Variants in SPOCK1 observed in about 807,000 individuals in gnomAD.
The protein encoded by SPOCK1 is SPARC (osteonectin), cwcv and kazal like domains proteoglycan 1.
SPOCK1 carries 23 observed loss-of-function variants against 55.3 expected under a neutral mutation model. The observed-to-expected ratio is 0.42, with a 90% CI of 0.30 to 0.59. The LOEUF is 0.59. Among genes scored for constraint, SPOCK1 ranks in the 20% least tolerant of loss-of-function variants. The pLI, the probability that SPOCK1 is intolerant of heterozygous loss-of-function variation, is 0.22. For synonymous variants in SPOCK1, 226 were observed against 221.0 expected (o/e 1.02, Z -0.20); for missense variants, 499 against 552.5 (o/e 0.90, Z 0.97).
At chr5:137,493,064 T>C (rs1272002652) in intron 2 of SPOCK1, among the ~76,000 whole-genome samples, 1 of 152,220 alleles carries the variant, frequency 6.6e-6, no homozygotes, top group Non-Finnish European at 1.5e-5. Context: ...ACAGGAAATT[T>C]ATTTTGTTTG....
intron 2 of SPOCK1, among the ~76,000 whole-genome samples, chr5:137,486,824 C>T (rs139145862): frequency 3.9e-5 from 6 of 152,182 alleles, no homozygotes; most frequent in African/African-American, 1.4e-4. Context: ...AGAATTTGAC[C>T]GTCTTAGTCA....
intron 4 of SPOCK1, among the ~76,000 whole-genome samples, chr5:137,119,059 T>C (rs1331674618): frequency 6.6e-6 from 1 of 152,192 alleles, no homozygotes; most frequent in African/African-American, 2.4e-5. Context: ...TAACCAGTCC[T>C]AGTAACTGGA....
At chr5:137,066,013 C>T (rs1752500194) in intron 6 of SPOCK1, among the ~76,000 whole-genome samples, 1 of 152,192 alleles carries the variant, frequency 6.6e-6, no homozygotes, top group Non-Finnish European at 1.5e-5. Context: ...TTTGCAAAAT[C>T]ATGAGGCCCT....
At chr5:137,163,182 C>A (rs1014402853) in intron 3 of SPOCK1, among the ~76,000 whole-genome samples, 1 of 152,154 alleles carries the variant, frequency 6.6e-6, no homozygotes, top group Non-Finnish European at 1.5e-5. Flanking sequence ...ATTTATTCAA[C>A]AACAAATATG....
chr5:137,384,605 G>A (rs1435256583), intron 2 of SPOCK1, among the ~76,000 whole-genome samples: 1 of 138,744 alleles, frequency 7.2e-6, no homozygotes, highest in African/African-American at 3.4e-5. Context: ...TCCCCCTGGA[G>A]GCCAGAAGCT....
At chr5:137,376,862 A>G (rs1199020994) in intron 2 of SPOCK1, among the ~76,000 whole-genome samples, 1 of 152,180 alleles carries the variant, frequency 6.6e-6, no homozygotes, top group Non-Finnish European at 1.5e-5. Context: ...GAGTGGAAGG[A>G]CCATGGGTGA....
intron 5 of SPOCK1, among the ~76,000 whole-genome samples, chr5:137,082,359 A>G (rs1400727873): frequency 6.6e-6 from 1 of 152,228 alleles, no homozygotes; most frequent in Non-Finnish European, 1.5e-5. Flanking sequence ...GAGGAGAGAC[A>G]TGTCAGCTAC....
chr5:137,052,528 T>C (rs933456922), intron 6 of SPOCK1, among the ~76,000 whole-genome samples: 2 of 152,220 alleles, frequency 1.3e-5, no homozygotes, highest in African/African-American at 4.8e-5. Context: ...ATTCTACTTC[T>C]AAAAATGCAT....
intron 2 of SPOCK1, among the ~76,000 whole-genome samples, chr5:137,471,904 G>A (rs1753744038): frequency 6.6e-6 from 1 of 152,194 alleles, no homozygotes; most frequent in Admixed American, 6.5e-5. Context: ...ACATGCCCAT[G>A]GGACCTGAGG....
intron 2 of SPOCK1, among the ~76,000 whole-genome samples, chr5:137,417,157 T>A (rs1279054698): frequency 6.6e-6 from 1 of 152,070 alleles, no homozygotes; most frequent in African/African-American, 2.4e-5. Context: ...TAATGGGGAC[T>A]TTCTAAGAGC....
chr5:137,356,828 T>TAGAG (rs1750820221), intron 2 of SPOCK1, among the ~76,000 whole-genome samples: 5 of 14,912 alleles, frequency 3.4e-4, no homozygotes, highest in Non-Finnish European at 5.1e-4. Flanking sequence ...TATATATATA[T>TAGAG]ATATATATAT....
intron 6 of SPOCK1, among the ~76,000 whole-genome samples, chr5:137,035,709 CTG>C (rs1173252212): frequency 2.0e-5 from 3 of 152,188 alleles, no homozygotes; most frequent in African/African-American, 7.2e-5. Context: ...TTTGCTGGGA[CTG>C]TGCCTAACCC....
intron 2 of SPOCK1, chr5:137,273,351 T>C: frequency 2.0e-6 from 2 of 983,390 alleles, no homozygotes; most frequent in Non-Finnish European, 2.4e-6. Context: ...TATGTCTACA[T>C]ACAGTTGAAA....
chr5:137,370,905 A>G (rs1296102231), intron 2 of SPOCK1, among the ~76,000 whole-genome samples: 1 of 152,158 alleles, frequency 6.6e-6, no homozygotes, highest in African/African-American at 2.4e-5. Context: ...ATCGTATAAA[A>G]TCTGCCTGTC....
chr5:137,296,104 C>T (rs1386101482), intron 2 of SPOCK1, among the ~76,000 whole-genome samples: 1 of 152,186 alleles, frequency 6.6e-6, no homozygotes, highest in Non-Finnish European at 1.5e-5. Context: ...CACATGAGGA[C>T]ACAGTGAGAA....
chr5:136,980,164 A>C (rs961386706), intron 9 of SPOCK1, among the ~76,000 whole-genome samples: 1 of 138,336 alleles, frequency 7.2e-6, no homozygotes, highest in African/African-American at 2.7e-5. Context: ...TGCTATTACT[A>C]TCTCCCTGTT....
At chr5:136,989,355 C>T (rs762764651) in intron 7 of SPOCK1, among the ~76,000 whole-genome samples, 27 of 152,316 alleles carry the variant, frequency 1.8e-4, no homozygotes, top group South Asian at 6.2e-4. Flanking sequence ...GCTCAACACT[C>T]GGGATATTGA....
At chr5:137,179,594 C>T (rs970774757) in intron 3 of SPOCK1, among the ~76,000 whole-genome samples, 3 of 152,106 alleles carry the variant, frequency 2.0e-5, no homozygotes, top group Admixed American at 6.5e-5. Flanking sequence ...AAATTCCCCC[C>T]GGTAGCAGCC....
intron 2 of SPOCK1, among the ~76,000 whole-genome samples, chr5:137,479,626 A>T (rs931310393): frequency 9.9e-5 from 15 of 152,214 alleles, no homozygotes; most frequent in African/African-American, 3.6e-4. Context: ...GCCCCACAGC[A>T]CACTCTTCCT....
Sources: gnomAD v4.1 joint callset for allele counts (sites outside exome capture counted in the v4.1 genomes callset) on GRCh38, gnomAD v4.1.1 for gene constraint, MANE v1.5 for transcripts, NCBI Gene and HGNC (gene_info 2026-07-23, HGNC 2026-07-21) for gene names.